The following SLC2A12 variants were observed in gnomAD, a reference collection of about 807,000 sequenced individuals.
The protein encoded by SLC2A12 is solute carrier family 2, facilitated glucose transporter member 12.
SLC2A12 carries 23 observed loss-of-function variants against 41.8 expected under a neutral mutation model. That is an observed-to-expected ratio of 0.55 (90% CI 0.40 to 0.78). The LOEUF (loss-of-function observed/expected upper bound fraction) is 0.78. Among genes scored for constraint, SLC2A12 ranks in the 30% least tolerant of loss-of-function variants. The pLI is 0.00. For missense variants in SLC2A12, 654 were observed against 745.6 expected (o/e 0.88, Z 1.43); for synonymous variants, 295 against 285.9 (o/e 1.03, Z -0.32).
rs780566907 is a variant in SLC2A12, at chr6:134,031,970, G to C, written c.104-2249C>G. The stretch of plus-strand genomic sequence containing the variant: ...AAGACTAGTGCCAGCAAAGGAGATG[G>C]AGAAGAATCAGAACTGAGGTGTAAG... On this transcript the variant is annotated intron_variant, in intron 1 of 4. Transcript: ENST00000275230. 2.0e-5 allele frequency among the ~76,000 whole-genome samples: 3 copies of C among 152,164 alleles called. No homozygotes were observed. In the South Asian group the frequency reaches 6.2e-4, roughly 32 times the overall value.
intron 4 of SLC2A12, among the ~76,000 whole-genome samples, chr6:133,995,796 G>C (rs1776680185): frequency 6.6e-6 from 1 of 152,148 alleles, no homozygotes; most frequent in African/African-American, 2.4e-5. Context: ...TCTTCACTCA[G>C]CCTGCAAAGC....
chr6:134,032,468 T>TTA lies in SLC2A12; in HGVS notation c.104-2749_104-2748dup, dbSNP rs1195287632. ...TATATAAATATATATATATATATTT[T>TTA]TATATATATATATATATATTTGTTC... On this transcript the variant is annotated intron_variant, in intron 1 of 4. Coordinates refer to ENST00000275230, the MANE Select transcript of SLC2A12 (RefSeq NM_145176.3). Among the ~76,000 whole-genome samples the TTA allele has an allele frequency of 7.8e-3, 267 of 34,238 alleles. 2 individuals are homozygous for TTA. The highest frequency in any genetic ancestry group is 0.022 in the African/African-American group (155 of 7,062). 22.5% of individuals were successfully genotyped at this position (34,238 alleles called of 152,430 possible).
Position 133,991,317 on chromosome 6 carries a change from G to T in SLC2A12, c.1701-9C>A, listed in dbSNP as rs1468838524. The T allele has an allele frequency of 6.2e-7, 1 of 1,608,402 alleles. No individual in the cohort carries two copies. The highest frequency in any genetic ancestry group is 1.3e-5 in the African/African-American group (1 of 74,402). ...TGTTTTTCACATAGTTCCTGAAAGAGAAAGAGGCACTAATGAAAATGTCAT... is the reference window on the plus strand; with the variant it reads ...TGTTTTTCACATAGTTCCTGAAAGATAAAGAGGCACTAATGAAAATGTCAT... On this transcript the variant is annotated splice_polypyrimidine_tract_variant and intron_variant, in intron 4 of 4. Transcript: ENST00000275230.
At chr6:133,999,619 G>C (rs1280233047) in intron 4 of SLC2A12, among the ~76,000 whole-genome samples, 1 of 152,114 alleles carries the variant, frequency 6.6e-6, no homozygotes, top group Non-Finnish European at 1.5e-5. Context: ...GAAGCCACTG[G>C]GGAGGACTGA....
chr6:134,034,988 C>T (rs1338913702), intron 1 of SLC2A12, among the ~76,000 whole-genome samples: 1 of 151,956 alleles, frequency 6.6e-6, no homozygotes, highest in African/African-American at 2.4e-5. Context: ...TGGAAACTAC[C>T]TGGAGGCTTG....
At chr6:134,049,977 T>C (rs530126090) in intron 1 of SLC2A12, among the ~76,000 whole-genome samples, 1 of 152,356 alleles carries the variant, frequency 6.6e-6, no homozygotes, top group South Asian at 2.1e-4. Flanking sequence ...TGCAGACATA[T>C]TGTGATAATT....
intron 4 of SLC2A12, among the ~76,000 whole-genome samples, chr6:133,995,716 A>C (rs1776679481): frequency 6.6e-6 from 1 of 152,284 alleles, no homozygotes; most frequent in South Asian, 2.1e-4. Flanking sequence ...TTAAAGTGTA[A>C]ATCAGATCAT....
chr6:134,048,329 G>C (rs1773608226), intron 1 of SLC2A12, among the ~76,000 whole-genome samples: 1 of 152,168 alleles, frequency 6.6e-6, no homozygotes, highest in South Asian at 2.1e-4. Context: ...AGGCACTGTG[G>C]ATCACACCCG....
intron 4 of SLC2A12, among the ~76,000 whole-genome samples, chr6:133,997,085 C>CAAAAAAAAAAAAAA (rs58295985): frequency 6.4e-4 from 45 of 70,606 alleles, no homozygotes; most frequent in African/African-American, 1.0e-3. Context: ...ACTAAAAATA[C>CAAAAAAAAAAAAAA]AAAAAAAAAA....
At chr6:134,020,176 C>A (rs935169187) in intron 2 of SLC2A12, among the ~76,000 whole-genome samples, 4 of 152,196 alleles carry the variant, frequency 2.6e-5, no homozygotes, top group Admixed American at 2.6e-4. Context: ...AATAGAAACA[C>A]TTTCCTGGCA....
chr6:134,035,037 T>C (rs1777274121), intron 1 of SLC2A12, among the ~76,000 whole-genome samples: 1 of 151,868 alleles, frequency 6.6e-6, no homozygotes, highest in African/African-American at 2.4e-5. Flanking sequence ...ATGCCTATCC[T>C]GTCTTCTTCC....
chr6:134,004,735 A>G (rs1776791493), intron 3 of SLC2A12, among the ~76,000 whole-genome samples: 1 of 152,218 alleles, frequency 6.6e-6, no homozygotes. Flanking sequence ...AGTTTCAAGC[A>G]CGTATTTTAC....
At chr6:134,015,202 C>G (rs1776939589) in intron 2 of SLC2A12, among the ~76,000 whole-genome samples, 5 of 152,194 alleles carry the variant, frequency 3.3e-5, no homozygotes, top group Admixed American at 3.3e-4. Context: ...ACTCACATGA[C>G]TATTATTGTA....
intron 2 of SLC2A12, among the ~76,000 whole-genome samples, chr6:134,018,511 A>G (rs1776996813): frequency 6.6e-6 from 1 of 152,112 alleles, no homozygotes. Flanking sequence ...CCTCAAAGCC[A>G]TCTGACCTGC....
At chr6:134,016,897 G>A (rs1241169752) in intron 2 of SLC2A12, among the ~76,000 whole-genome samples, 4 of 152,090 alleles carry the variant, frequency 2.6e-5, no homozygotes, top group Admixed American at 2.6e-4. Flanking sequence ...TGTTTAATTA[G>A]GTAAGCAAAA....
chr6:134,023,207 GGT>G (rs1437504357), intron 2 of SLC2A12, among the ~76,000 whole-genome samples: 1 of 152,114 alleles, frequency 6.6e-6, no homozygotes, highest in Non-Finnish European at 1.5e-5. Context: ...AGGATGGATG[GGT>G]GTGAGAAGGG....
intron 2 of SLC2A12, among the ~76,000 whole-genome samples, chr6:134,027,107 A>T (rs1264306683): frequency 6.6e-6 from 1 of 152,176 alleles, no homozygotes; most frequent in African/African-American, 2.4e-5. Flanking sequence ...CAGTCCATTC[A>T]CCTACAATCT....
chr6:134,030,284 A>T (rs1027159847), intron 1 of SLC2A12, among the ~76,000 whole-genome samples: 2 of 152,172 alleles, frequency 1.3e-5, no homozygotes, highest in African/African-American at 4.8e-5. Context: ...TGCTGAACAC[A>T]TGAGGGTGTT....
chr6:134,042,941 TG>T (rs1160968613), intron 1 of SLC2A12, among the ~76,000 whole-genome samples: 1 of 151,602 alleles, frequency 6.6e-6, no homozygotes, highest in Non-Finnish European at 1.5e-5. Flanking sequence ...CACCCCAGCC[TG>T]GGCGACAGAG....
Sources: gnomAD v4.1 joint callset for allele counts (sites outside exome capture counted in the v4.1 genomes callset) on GRCh38, gnomAD v4.1.1 for gene constraint, MANE v1.5 for transcripts, NCBI Gene and HGNC (gene_info 2026-07-23, HGNC 2026-07-21) for gene names.